The following CUX1 variants were observed in gnomAD, a reference collection of about 807,000 sequenced individuals.
The protein encoded by CUX1 is protein CASP.
Under a neutral mutation model 158.8 loss-of-function variants are expected in CUX1, and 31 were observed. The observed-to-expected ratio is 0.20, with a 90% CI of 0.15 to 0.26. CUX1 has a LOEUF of 0.26. Among genes scored for constraint, CUX1 ranks in the 10% least tolerant of loss-of-function variants. The probability of loss-of-function intolerance (pLI) is 1.00; values close to 1 mark genes in which losing one functional copy is unlikely to be tolerated. For missense variants in CUX1, 1,589 were observed against 2,014.6 expected, an observed-to-expected ratio of 0.79 and a Z score of 4.04; for synonymous variants, 879 against 862.1, an observed-to-expected ratio of 1.02 and a Z score of -0.34.
chr7:102,190,817 G>A (rs892476408), intron 12 of CUX1, among the ~76,000 whole-genome samples: 2 of 152,078 alleles, frequency 1.3e-5, no homozygotes, highest in African/African-American at 4.8e-5. Context: ...GGTCTTGGGT[G>A]CCACCTCCCA....
At chr7:102,081,686 G>C (rs1436307064) in intron 4 of CUX1, among the ~76,000 whole-genome samples, 1 of 146,462 alleles carries the variant, frequency 6.8e-6, no homozygotes, top group African/African-American at 2.4e-5. Context: ...AAGCTGGAGT[G>C]CAGTGGCATA....
chr7:102,111,956 C>G, intron 7 of CUX1, 182 bp downstream of exon 7: 1 of 581,486 alleles, frequency 1.7e-6, no homozygotes, highest in Non-Finnish European at 3.1e-6. Context: ...TCATTCCTCA[C>G]TGACTTTGAG....
At position 102,001,741 on chromosome 7, in the gene CUX1, C is replaced by T. The variant is rs1816719005; in HGVS notation, c.142-26357C>T. Reference sequence around the variant, plus strand: ...TCAGGATGTTCCTCCTGGCCATGCACATGCAGGACACACAACAGGTTCTTG... The same window carrying T: ...TCAGGATGTTCCTCCTGGCCATGCATATGCAGGACACACAACAGGTTCTTG... On this transcript the variant is annotated intron_variant, in intron 2 of 23. Coordinates refer to ENST00000292535, the MANE Select transcript of CUX1 (RefSeq NM_181552.4). 3.9e-5 allele frequency among the ~76,000 whole-genome samples: 6 copies of T among 152,336 alleles called. No individual in the cohort carries two copies. The South Asian group carries it at 1.2e-3, about 32-fold the overall frequency.
At chr7:102,074,780 T>A (rs1464048106) in intron 4 of CUX1, among the ~76,000 whole-genome samples, 5 of 152,246 alleles carry the variant, frequency 3.3e-5, no homozygotes, top group African/African-American at 1.2e-4. Flanking sequence ...CCACCTGATG[T>A]GTCCGGCAGA....
At chr7:101,920,294 T>C (rs1368867805) in intron 2 of CUX1, among the ~76,000 whole-genome samples, 2 of 152,186 alleles carry the variant, frequency 1.3e-5, no homozygotes, top group South Asian at 2.1e-4. Context: ...GCTAATTTTT[T>C]TGTATTTTTA....
chr7:102,211,818 G>T (rs546070502), intron 20 of CUX1, among the ~76,000 whole-genome samples: 21 of 151,164 alleles, frequency 1.4e-4, no homozygotes, highest in African/African-American at 5.1e-4. Context: ...ACCTGATCTC[G>T]GCTGAGCTAA....
At chr7:101,985,267 C>T (rs867911892) in intron 2 of CUX1, among the ~76,000 whole-genome samples, 15 of 151,932 alleles carry the variant, frequency 9.9e-5, no homozygotes, top group African/African-American at 2.2e-4. Context: ...GCTCTGCAGA[C>T]GGGAGAGGGG....
In CUX1 at chr7:102,249,293, G is replaced by A. The variant is rs1456524907; in HGVS notation, c.*251G>A. ...CGACCCTGCGGCCTCCACCAACCCC[G>A]CGGCCCAGACCCAGCCCGCGGCCTG... On this transcript the variant is annotated 3_prime_UTR_variant, in exon 24 of 24. Transcript: ENST00000292535. The A allele has an allele frequency of 7.7e-6, 8 of 1,040,794 alleles. No homozygotes were observed. Among genetic ancestry groups the A allele is most frequent in the Non-Finnish European group, 9.2e-6 (8 of 865,310 alleles). 64.5% of individuals were successfully genotyped at this position (1,040,794 alleles called of 1,614,324 possible).
chr7:101,848,513 G>T (rs998231137), intron 1 of CUX1, among the ~76,000 whole-genome samples: 2 of 152,108 alleles, frequency 1.3e-5, no homozygotes, highest in Admixed American at 6.6e-5. Context: ...TTGGGCGAGG[G>T]ATCTTGATTC....
At chr7:101,939,797 TA>T (rs901656266) in intron 2 of CUX1, among the ~76,000 whole-genome samples, 3 of 150,838 alleles carry the variant, frequency 2.0e-5, no homozygotes, top group Non-Finnish European at 4.4e-5. Context: ...CCCCTGTCTA[TA>T]AAAAATACAA....
At chr7:101,991,013 C>T (rs1815042956) in intron 2 of CUX1, among the ~76,000 whole-genome samples, 1 of 152,290 alleles carries the variant, frequency 6.6e-6, no homozygotes, top group East Asian at 1.9e-4. Context: ...CTTTTTAAAC[C>T]TCCCCTGGGA....
chr7:101,884,169 A>G (rs1009806984), intron 1 of CUX1, among the ~76,000 whole-genome samples: 3 of 152,234 alleles, frequency 2.0e-5, no homozygotes, highest in Non-Finnish European at 4.4e-5. Flanking sequence ...TGCTGGGATT[A>G]TAGGTGTGAG....
rs782592203 is a variant in CUX1, at chr7:102,248,260, C to T, written c.3888-152C>T. 4.5e-6 allele frequency: 3 copies of T among 666,336 alleles called. No homozygotes were observed. The highest frequency in any genetic ancestry group is 4.8e-6 in the Non-Finnish European group (2 of 417,964). 41.3% of individuals were successfully genotyped at this position (666,336 alleles called of 1,614,324 possible). On this transcript the variant is annotated intron_variant, in intron 23 of 23. Coordinates refer to ENST00000292535, the MANE Select transcript of CUX1 (RefSeq NM_181552.4). The surrounding 1 kb of genome is among the most constrained non-coding windows in gnomAD (Gnocchi z 5.8). ...GGGTGGTGACTCTGGAGAGGGGCTG[C>T]CCCGTGGCCCGAGGGTCGCTGGAGG...
Position 101,915,464 on chromosome 7 carries a change from T to C in CUX1, c.31-651T>C, listed in dbSNP as rs191469595. Among the ~76,000 whole-genome samples the C allele has an allele frequency of 5.3e-5, 8 of 152,370 alleles. No individual in the cohort carries two copies. In the East Asian group the frequency reaches 1.5e-3, roughly 29 times the overall value. On this transcript the variant is annotated intron_variant, in intron 1 of 23. Transcript: ENST00000292535. ...GAATAACTGCCAATGGTGCCTCATT[T>C]CTGAAAAGTGGTTGGAAATAATTAT...
rs1801408279 is a variant in CUX1 at position 102,250,614 on chromosome 7, A to G, written c.*1572A>G. 3 of 985,334 alleles carry G rather than the reference A, an allele frequency of 3.0e-6. No individual in the cohort carries two copies. Among genetic ancestry groups the G allele is most frequent in the Middle Eastern group, 1.0e-3 (2 of 1,936 alleles). The allele number at this position is 985,334 out of a possible 1,614,324, so 61.0% of individuals were successfully genotyped here. On this transcript the variant is annotated 3_prime_UTR_variant, in exon 24 of 24. Transcript: ENST00000292535. ...GGCCCAAACTCACACCAAAACGTGG[A>G]TGCTCTTCAACTTCCAAACCTACCA...
Position 102,132,328 on chromosome 7 carries a change from C to CACGCACACACGCACG in CUX1, c.674+17055_674+17056insACGCACACACGCACG, listed in dbSNP as rs1379227055. 2.2e-3 allele frequency among the ~76,000 whole-genome samples: 3 copies of CACGCACACACGCACG among 1,362 alleles called. No homozygotes were observed. In the South Asian group the frequency reaches 0.079, roughly 36 times the overall value. The allele number at this position is 1,362 out of a possible 152,430, so 0.9% of individuals were successfully genotyped here. On this transcript the variant is annotated intron_variant, in intron 8 of 23. Coordinates refer to ENST00000292535, the MANE Select transcript of CUX1 (RefSeq NM_181552.4). ...GTGTGTGCGCGCGCGCGCGCGCACGCCACGCACACACGCATCTTTACAGAA... is the reference window on the plus strand; with the variant it reads ...GTGTGTGCGCGCGCGCGCGCGCACGCACGCACACACGCACGCACGCACACACGCATCTTTACAGAA...
chr7:101,976,745 G>C (rs1001214847), intron 2 of CUX1, among the ~76,000 whole-genome samples: 1 of 151,972 alleles, frequency 6.6e-6, no homozygotes, highest in Admixed American at 6.6e-5. Flanking sequence ...TTATACTGGA[G>C]GTGTGAAAAC....
chr7:102,170,523 C>T lies in CUX1; in HGVS notation c.801C>T (p.Ala267=), dbSNP rs1554510112. ...CGGCCAATCACTCCCTCCAGCTGGC[C>T]TCACAGATCCAGAAGGCACCAGACG... The part of the protein sequence containing the change: ...LSSANHSLQL[A]SQIQKAPDVE... Residue 267 remains alanine, a synonymous_variant, in exon 10 of 24, where the codon GCC becomes GCT. Transcript: ENST00000292535. The T allele has an allele frequency of 6.3e-7, 1 of 1,586,380 alleles. No individual in the cohort carries two copies. Among genetic ancestry groups the T allele is most frequent in the Non-Finnish European group, 8.6e-7 (1 of 1,165,872 alleles).
chr7:101,816,530 G>A (rs902758041), upstream of CUX1, among the ~76,000 whole-genome samples: 3 of 142,178 alleles, frequency 2.1e-5, no homozygotes, highest in Non-Finnish European at 4.7e-5. Flanking sequence ...GGGGGCGGGC[G>A]GCGGCGGGCG....
Sources: gnomAD v4.1 joint callset for allele counts (sites outside exome capture counted in the v4.1 genomes callset) on GRCh38, gnomAD v4.1.1 for gene constraint, Gnocchi (gnomAD v3.1) non-coding constraint, MANE v1.5 for transcripts, NCBI Gene and HGNC (gene_info 2026-07-23, HGNC 2026-07-21) for gene names.